SHC4: variants seen among roughly 807,000 people sequenced by gnomAD.
SHC4 encodes SHC-transforming protein 4.
SHC4 carries 41 observed loss-of-function variants against 69.4 expected under a neutral mutation model. The observed-to-expected ratio is 0.59, with a 90% CI of 0.46 to 0.77. The LOEUF is 0.77. Among genes scored for constraint, SHC4 ranks in the 30% least tolerant of loss-of-function variants. The pLI, the probability that SHC4 is intolerant of heterozygous loss-of-function variation, is 0.00. For synonymous variants in SHC4, 318 were observed against 299.3 expected (o/e 1.06, Z -0.64); for missense variants, 777 against 783.8 (o/e 0.99, Z 0.10).
chr15:48,858,794 T>C (rs1338537915), intron 6 of SHC4, among the ~76,000 whole-genome samples: 1 of 152,130 alleles, frequency 6.6e-6, no homozygotes, highest in African/African-American at 2.4e-5. Flanking sequence ...CAAAGGAACA[T>C]TGGGATAACC....
At chr15:48,931,481 A>C (rs1327705421) in intron 1 of SHC4, among the ~76,000 whole-genome samples, 2 of 152,106 alleles carry the variant, frequency 1.3e-5, no homozygotes, top group East Asian at 3.9e-4. Flanking sequence ...CTATCTACCT[A>C]ATTACATAAA....
intron 2 of SHC4, among the ~76,000 whole-genome samples, chr15:48,914,150 C>T (rs556542414): frequency 1.4e-4 from 22 of 152,358 alleles, no homozygotes; most frequent in Admixed American, 6.5e-4. Context: ...CATGAGCCAC[C>T]GCGCCCGGCG....
At chr15:48,892,154 C>A (rs1900149778) in intron 2 of SHC4, among the ~76,000 whole-genome samples, 1 of 151,318 alleles carries the variant, frequency 6.6e-6, no homozygotes, top group Non-Finnish European at 1.5e-5. Context: ...CGCGCCCGGC[C>A]ATGCAGACCC....
chr15:48,932,816 C>T (rs956291842), intron 1 of SHC4, among the ~76,000 whole-genome samples: 10 of 152,130 alleles, frequency 6.6e-5, no homozygotes, highest in Admixed American at 3.3e-4. Flanking sequence ...TCAATGTGTC[C>T]GTATCTCTTT....
intron 1 of SHC4, among the ~76,000 whole-genome samples, chr15:48,954,667 G>A (rs1051065272): frequency 6.6e-6 from 1 of 152,234 alleles, no homozygotes; most frequent in East Asian, 1.9e-4. Context: ...GCAAGACTTA[G>A]GGAAGAAAGT....
At chr15:48,846,157 C>T (rs1017457718) in intron 9 of SHC4, among the ~76,000 whole-genome samples, 14 of 152,108 alleles carry the variant, frequency 9.2e-5, no homozygotes, top group Non-Finnish European at 1.6e-4. Context: ...AGCTACCGGG[C>T]CTGGCTAGAA....
chr15:48,872,253 TC>T (rs1301485552), intron 4 of SHC4, 111 bp from the exon 5 acceptor site: 1 of 639,744 alleles, frequency 1.6e-6, no homozygotes, highest in Admixed American at 3.8e-5. Flanking sequence ...CTGATCAGCA[TC>T]CCTTTGAAAA....
At chr15:48,860,592 T>C (rs1034331166) in intron 6 of SHC4, among the ~76,000 whole-genome samples, 4 of 152,160 alleles carry the variant, frequency 2.6e-5, no homozygotes, top group Admixed American at 2.6e-4. Flanking sequence ...ATTTTTGCAA[T>C]TTTATTTTTT....
chr15:48,828,025 C>T (rs993584992), intron 11 of SHC4, among the ~76,000 whole-genome samples: 1 of 151,918 alleles, frequency 6.6e-6, no homozygotes, highest in Non-Finnish European at 1.5e-5. Flanking sequence ...GTGTTTGTAA[C>T]TTCACCCACA....
At chr15:48,908,599 G>T (rs184991972) in intron 2 of SHC4, among the ~76,000 whole-genome samples, 1 of 152,226 alleles carries the variant, frequency 6.6e-6, no homozygotes, top group African/African-American at 2.4e-5. Context: ...GTTTGCTTTT[G>T]GGTTCTTGGT....
intron 11 of SHC4, among the ~76,000 whole-genome samples, chr15:48,831,822 C>A (rs1898808155): frequency 6.6e-6 from 1 of 152,194 alleles, no homozygotes; most frequent in Non-Finnish European, 1.5e-5. Flanking sequence ...CCTTTACCAG[C>A]AAGCTTTGTA....
intron 2 of SHC4, among the ~76,000 whole-genome samples, chr15:48,910,582 G>T (rs980292603): frequency 2.0e-5 from 3 of 151,624 alleles, no homozygotes; most frequent in South Asian, 4.2e-4. Context: ...CTCTGATCTT[G>T]GTTATTTCCT....
At chr15:48,848,014 A>AC (rs1338497986) in intron 9 of SHC4, among the ~76,000 whole-genome samples, 3 of 151,038 alleles carry the variant, frequency 2.0e-5, no homozygotes, top group East Asian at 3.9e-4. Flanking sequence ...AAAAAAAAAA[A>AC]AAACAAAAAA....
intron 2 of SHC4, among the ~76,000 whole-genome samples, chr15:48,920,015 GTT>G (rs11293084): frequency 7.2e-6 from 1 of 139,504 alleles, no homozygotes. Flanking sequence ...CACGGAGTTT[GTT>G]TTTTTTTTTT....
At chr15:48,921,295 CA>C (rs1900746886) in intron 2 of SHC4, among the ~76,000 whole-genome samples, 1 of 150,276 alleles carries the variant, frequency 6.7e-6, no homozygotes, top group Non-Finnish European at 1.5e-5. Flanking sequence ...CAGTGGTTGC[CA>C]GGGGCTGGGG....
intron 4 of SHC4, chr15:48,878,827 C>A: frequency 1.5e-6 from 2 of 1,343,268 alleles, no homozygotes; most frequent in Non-Finnish European, 2.0e-6. Flanking sequence ...TAGTTTTGTG[C>A]CATTGAAAAA....
chr15:48,927,434 T>C (rs4566101), intron 1 of SHC4, among the ~76,000 whole-genome samples: 49,357 of 151,984 alleles, frequency 0.32, 8,514 homozygotes, highest in East Asian at 0.53. Flanking sequence ...CAAGGTGATA[T>C]CAACTGGCCC....
chr15:48,856,191 G>C (rs546836333), intron 7 of SHC4, 67 bp from the exon 8 acceptor site: 17 of 1,437,166 alleles, frequency 1.2e-5, no homozygotes, highest in Non-Finnish European at 1.4e-5. Flanking sequence ...GATGCAAGGG[G>C]ATCAGAACCA....
At position 48,963,044 on chromosome 15, in the gene SHC4, G is replaced by A. The variant is rs2141045435; in HGVS notation, c.-29C>T. The A allele has an allele frequency of 5.1e-6, 8 of 1,565,764 alleles. No individual in the cohort carries two copies. The highest frequency in any genetic ancestry group is 6.9e-6 in the Non-Finnish European group (8 of 1,154,896). ...CTTGGCAGTGCTGAAACAGGATACT[G>A]TTGCATAAATCGCCTCGTCGTCTGG... On this transcript the variant is annotated 5_prime_UTR_variant, in exon 1 of 12. An upstream open reading frame in the 5' UTR gains an earlier in-frame stop. Coordinates refer to ENST00000332408, the MANE Select transcript of SHC4 (RefSeq NM_203349.4).
Sources: gnomAD v4.1 joint callset for allele counts (sites outside exome capture counted in the v4.1 genomes callset) on GRCh38, gnomAD v4.1.1 for gene constraint, MANE v1.5 for transcripts, NCBI Gene and HGNC (gene_info 2026-07-23, HGNC 2026-07-21) for gene names.